PAPPA2: variants seen among roughly 807,000 people sequenced by gnomAD.
PAPPA2 encodes pappalysin-2.
In PAPPA2, 86 loss-of-function variants were observed where a neutral mutation model predicts 176.4. The ratio of observed to expected loss-of-function variants is 0.49; its 90% confidence interval spans 0.41 to 0.58. PAPPA2 has a LOEUF of 0.58. Among genes scored for constraint, PAPPA2 ranks in the 20% least tolerant of loss-of-function variants. The pLI, the probability that PAPPA2 is intolerant of heterozygous loss-of-function variation, is 0.00. For synonymous variants in PAPPA2, 809 were observed against 852.2 expected, an observed-to-expected ratio of 0.95 and a Z score of 0.88; for missense variants, 2,073 against 2,256.9, an observed-to-expected ratio of 0.92 and a Z score of 1.65.
chr1:176,662,913 T>C lies in PAPPA2; in HGVS notation c.1992-8057T>C, dbSNP rs563471105. Reference sequence around the variant, plus strand: ...AGGTTTATTTCAATAAGGAAATTTATTCACTCAATGTCACCAGCCAGTTAT... The same window carrying C: ...AGGTTTATTTCAATAAGGAAATTTACTCACTCAATGTCACCAGCCAGTTAT... On this transcript the variant is annotated intron_variant, in intron 3 of 22. Transcript: ENST00000367662. Among the ~76,000 whole-genome samples the C allele has an allele frequency of 2.6e-5, 4 of 152,340 alleles. No individual in the cohort carries two copies. In the South Asian group the frequency reaches 8.3e-4, roughly 32 times the overall value.
chr1:176,482,670 C>T (rs914876155), intron 1 of PAPPA2, among the ~76,000 whole-genome samples: 4 of 152,154 alleles, frequency 2.6e-5, no homozygotes, highest in African/African-American at 9.7e-5. Context: ...GCAGACTCTA[C>T]CTTTTTGGTG....
At chr1:176,625,446 G>T (rs973878459) in intron 3 of PAPPA2, among the ~76,000 whole-genome samples, 9 of 152,132 alleles carry the variant, frequency 5.9e-5, no homozygotes, top group African/African-American at 9.7e-5. Context: ...CATGTAACAG[G>T]CTTTCAATAA....
intron 17 of PAPPA2, among the ~76,000 whole-genome samples, chr1:176,772,996 C>T (rs1664301169): frequency 6.6e-6 from 1 of 152,054 alleles, no homozygotes; most frequent in East Asian, 1.9e-4. Flanking sequence ...AAGATCATCA[C>T]CAGTTTTCTG....
At chr1:176,761,842 G>C (rs1663713344) in intron 14 of PAPPA2, among the ~76,000 whole-genome samples, 1 of 152,160 alleles carries the variant, frequency 6.6e-6, no homozygotes, top group Admixed American at 6.5e-5. Context: ...CACTTCTCTG[G>C]GGCATTGTAA....
At chr1:176,552,908 G>C (rs1468158711) in intron 1 of PAPPA2, among the ~76,000 whole-genome samples, 3 of 152,232 alleles carry the variant, frequency 2.0e-5, no homozygotes, top group African/African-American at 7.2e-5. Flanking sequence ...CTGTGCACTT[G>C]CGGAGTGGCA....
intron 14 of PAPPA2, among the ~76,000 whole-genome samples, chr1:176,756,100 A>G (rs1663405952): frequency 6.6e-6 from 1 of 152,150 alleles, no homozygotes; most frequent in African/African-American, 2.4e-5. Context: ...CTAGGATTAC[A>G]GGCATGTGCC....
chr1:176,493,078 A>G (rs1014880837), intron 1 of PAPPA2, among the ~76,000 whole-genome samples: 10 of 152,338 alleles, frequency 6.6e-5, no homozygotes, highest in East Asian at 1.9e-4. Flanking sequence ...TATGACTTTC[A>G]GTTTGAAAAA....
At chr1:176,666,561 A>ATG (rs139660279) in intron 3 of PAPPA2, among the ~76,000 whole-genome samples, 7,480 of 109,284 alleles carry the variant, frequency 0.068, 318 homozygotes, top group Non-Finnish European at 0.099. Context: ...GTAAATATAT[A>ATG]TGTGTGTGTG....
intron 2 of PAPPA2, among the ~76,000 whole-genome samples, chr1:176,576,477 GTGT>G (rs1321532574): frequency 1.8e-4 from 1 of 5,412 alleles, no homozygotes; most frequent in Non-Finnish European, 3.3e-4. Context: ...TCAATGGGGT[GTGT>G]GTGTGTGTGT....
chr1:176,691,100 G>A (rs763741421), intron 5 of PAPPA2: 19 of 985,040 alleles, frequency 1.9e-5, no homozygotes, highest in South Asian at 1.9e-4. Context: ...ATTATTCTTC[G>A]CTGTCTCTCA....
At chr1:176,794,968 A>G (rs974439343) in intron 20 of PAPPA2, among the ~76,000 whole-genome samples, 7 of 152,158 alleles carry the variant, frequency 4.6e-5, no homozygotes, top group African/African-American at 1.7e-4. Flanking sequence ...AAGGTGATTG[A>G]GCAGTGGGAC....
At chr1:176,715,497 C>G (rs1661329237) in intron 12 of PAPPA2, among the ~76,000 whole-genome samples, 1 of 152,166 alleles carries the variant, frequency 6.6e-6, no homozygotes, top group Non-Finnish European at 1.5e-5. Flanking sequence ...CTCTGTGCCC[C>G]AACTGGGCTC....
At chr1:176,697,082 C>T (rs1486386834) in intron 7 of PAPPA2, among the ~76,000 whole-genome samples, 2 of 152,020 alleles carry the variant, frequency 1.3e-5, no homozygotes, top group African/African-American at 4.8e-5. Context: ...TGTTTTAATG[C>T]CTGTTTGATT....
chr1:176,568,729 A>C (rs1257247097), intron 2 of PAPPA2, among the ~76,000 whole-genome samples: 1 of 152,050 alleles, frequency 6.6e-6, no homozygotes, highest in East Asian at 1.9e-4. Flanking sequence ...TCAATCACCA[A>C]ATCCTGTCTG....
chr1:176,674,963 A>T (rs1178996035), intron 4 of PAPPA2, among the ~76,000 whole-genome samples: 1 of 152,060 alleles, frequency 6.6e-6, no homozygotes, highest in African/African-American at 2.4e-5. Flanking sequence ...TTTTAAAAAA[A>T]TTATGGCCTT....
intron 21 of PAPPA2, among the ~76,000 whole-genome samples, chr1:176,836,048 A>G (rs1056785733): frequency 7.2e-5 from 11 of 152,186 alleles, no homozygotes; most frequent in African/African-American, 2.7e-4. Context: ...GTCACCATTC[A>G]TTGAAGAGCC....
chr1:176,524,656 T>C (rs1649383599), intron 1 of PAPPA2, among the ~76,000 whole-genome samples: 2 of 152,148 alleles, frequency 1.3e-5, no homozygotes, highest in South Asian at 4.1e-4. Context: ...AGTTTTTTTC[T>C]AGGTAAATAA....
rs1553376002 is a variant in PAPPA2 at position 176,623,758 on chromosome 1, C to CTTTTCTTT, written c.1991+28163_1991+28164insTTTTCTTT. Among the ~76,000 whole-genome samples the CTTTTCTTT allele has an allele frequency of 6.8e-5, 4 of 59,064 alleles. No individual in the cohort carries two copies. The East Asian group carries it at 1.6e-3, about 24-fold the overall frequency. 38.7% of individuals were successfully genotyped at this position (59,064 alleles called of 152,430 possible). Reference sequence around the variant, plus strand: ...TTTCTTTCTCTCTCTTTCCTTCCTTCCTTTCTTTCTTTCTTTCTTTCTTTC... The same window carrying CTTTTCTTT: ...TTTCTTTCTCTCTCTTTCCTTCCTTCTTTTCTTTCTTTCTTTCTTTCTTTCTTTCTTTC... On this transcript the variant is annotated intron_variant, in intron 3 of 22. Transcript: ENST00000367662.
At chr1:176,655,774 C>T (rs1327050658) in intron 3 of PAPPA2, among the ~76,000 whole-genome samples, 1 of 151,836 alleles carries the variant, frequency 6.6e-6, no homozygotes, top group African/African-American at 2.4e-5. Flanking sequence ...AAAGCTCTGA[C>T]ATCACCAGCA....
Sources: allele counts gnomAD v4.1 joint callset (sites outside exome capture counted in the v4.1 genomes callset), GRCh38; gene constraint gnomAD v4.1.1; transcripts MANE v1.5; gene names NCBI Gene and HGNC (gene_info 2026-07-23, HGNC 2026-07-21).